EHD4: variants seen among roughly 807,000 people sequenced by gnomAD.
The protein encoded by EHD4 is EH domain containing 4.
In EHD4, 37 loss-of-function variants were observed where a neutral mutation model predicts 51.0. That is an observed-to-expected ratio of 0.73 (90% CI 0.56 to 0.95). EHD4 has a LOEUF of 0.95. EHD4 is among the 40% of genes least tolerant of loss of function. The pLI is 0.00. For synonymous variants in EHD4, 297 were observed against 317.3 expected, an observed-to-expected ratio of 0.94 and a Z score of 0.68; for missense variants, 632 against 733.1, an observed-to-expected ratio of 0.86 and a Z score of 1.59.
At chr15:41,914,098 GC>G (rs2067567645) in intron 4 of EHD4, among the ~76,000 whole-genome samples, 1 of 152,042 alleles carries the variant, frequency 6.6e-6, no homozygotes, top group Admixed American at 6.6e-5. Context: ...AGTGATACTG[GC>G]CACATCTACT....
intron 3 of EHD4, among the ~76,000 whole-genome samples, chr15:41,940,355 T>TGAAGCTGGTCTTAC (rs1442663770): frequency 6.6e-6 from 1 of 152,240 alleles, no homozygotes; most frequent in Non-Finnish European, 1.5e-5. Flanking sequence ...TGTGGTCTTA[T>TGAAGCTGGTCTTAC]GAAGCTGGTC....
At chr15:41,965,471 C>T (rs1283078524) in intron 1 of EHD4, among the ~76,000 whole-genome samples, 1 of 152,182 alleles carries the variant, frequency 6.6e-6, no homozygotes, top group Admixed American at 6.5e-5. Context: ...TTGAGGCTAG[C>T]CCTCTTCCAT....
At chr15:41,936,982 T>C (rs1466314297) in intron 3 of EHD4, among the ~76,000 whole-genome samples, 1 of 152,144 alleles carries the variant, frequency 6.6e-6, no homozygotes, top group Non-Finnish European at 1.5e-5. Flanking sequence ...TGCCAACAAA[T>C]CATCAGGGCT....
chr15:41,938,500 C>T (rs1037267361), intron 3 of EHD4, among the ~76,000 whole-genome samples: 1 of 152,140 alleles, frequency 6.6e-6, no homozygotes, highest in Non-Finnish European at 1.5e-5. Context: ...TTTTATTTTT[C>T]ATTGTCTTCC....
intron 5 of EHD4, among the ~76,000 whole-genome samples, chr15:41,901,418 A>C (rs2067477378): frequency 6.6e-6 from 1 of 152,220 alleles, no homozygotes; most frequent in Non-Finnish European, 1.5e-5. Flanking sequence ...CGCATGAGCG[A>C]CAGCAACCTC....
chr15:41,949,626 A>G (rs2141002847), intron 2 of EHD4, among the ~76,000 whole-genome samples: 1 of 152,266 alleles, frequency 6.6e-6, no homozygotes. Context: ...CAAAATTTCA[A>G]TTCCCAGGGC....
At position 41,931,420 on chromosome 15, in the gene EHD4, G is replaced by C. The variant is rs2067697418; in HGVS notation, c.511+11647C>G. On this transcript the variant is annotated intron_variant, in intron 3 of 5. Transcript: ENST00000220325. The stretch of plus-strand genomic sequence containing the variant: ...CCCAGCTACTCAGGAGGCTGAGGTG[G>C]CAGGATCACTTGAACCCAGGAGGTC... Among the ~76,000 whole-genome samples the C allele has an allele frequency of 2.6e-5, 4 of 152,282 alleles. No homozygotes were observed. The South Asian group carries it at 8.3e-4, about 32-fold the overall frequency.
At chr15:41,951,947 A>G (rs2067855080) in intron 2 of EHD4, among the ~76,000 whole-genome samples, 1 of 152,252 alleles carries the variant, frequency 6.6e-6, no homozygotes, top group African/African-American at 2.4e-5. Context: ...ACCATCAGTA[A>G]TAAGATGGAA....
intron 1 of EHD4, among the ~76,000 whole-genome samples, chr15:41,961,724 T>C (rs1384028474): frequency 6.6e-6 from 1 of 152,248 alleles, no homozygotes; most frequent in Non-Finnish European, 1.5e-5. Context: ...AATTAATTTA[T>C]AGATAAGAAG....
intron 2 of EHD4, among the ~76,000 whole-genome samples, chr15:41,950,956 G>A (rs1052663389): frequency 6.6e-6 from 1 of 152,140 alleles, no homozygotes; most frequent in Non-Finnish European, 1.5e-5. Flanking sequence ...CATAATCACC[G>A]TCATCTTCAT....
intron 4 of EHD4, among the ~76,000 whole-genome samples, chr15:41,915,492 C>T (rs184175317): frequency 6.6e-6 from 1 of 152,318 alleles, no homozygotes; most frequent in Admixed American, 6.5e-5. Context: ...ACTGACCTCT[C>T]CTCTTCTTTC....
At chr15:41,951,822 C>T (rs2067854339) in intron 2 of EHD4, among the ~76,000 whole-genome samples, 1 of 152,218 alleles carries the variant, frequency 6.6e-6, no homozygotes. Context: ...ACCCCCTCTC[C>T]CACAATGAGA....
At chr15:41,927,975 G>A (rs72625199) in intron 3 of EHD4, among the ~76,000 whole-genome samples, 9,940 of 152,218 alleles carry the variant, frequency 0.065, 397 homozygotes, top group South Asian at 0.12. Flanking sequence ...TCTAAAAAAG[G>A]GTTGTTACTA....
intron 3 of EHD4, among the ~76,000 whole-genome samples, chr15:41,931,799 C>A (rs898168737): frequency 4.0e-5 from 6 of 151,772 alleles, no homozygotes; most frequent in African/African-American, 1.2e-4. Context: ...GCCTCAGCCT[C>A]CTGAGTAGCT....
At chr15:41,950,485 T>C (rs2067845859) in intron 2 of EHD4, among the ~76,000 whole-genome samples, 1 of 152,230 alleles carries the variant, frequency 6.6e-6, no homozygotes, top group Non-Finnish European at 1.5e-5. Flanking sequence ...GTATGCTATG[T>C]GAAAAGAGGT....
chr15:41,935,568 C>T (rs1329893197), intron 3 of EHD4, among the ~76,000 whole-genome samples: 1 of 152,170 alleles, frequency 6.6e-6, no homozygotes, highest in African/African-American at 2.4e-5. Flanking sequence ...TGGGGGAAAG[C>T]ATCAATTACA....
chr15:41,919,643 G>A (rs761078516), intron 3 of EHD4, 21 bp from the exon 4 acceptor site: 14 of 1,505,054 alleles, frequency 9.3e-6, no homozygotes, highest in Middle Eastern at 1.8e-4. Context: ...AGAAGGACAC[G>A]TCAGTGTAGC....
intron 3 of EHD4, among the ~76,000 whole-genome samples, chr15:41,934,310 T>G (rs1330006509): frequency 3.2e-5 from 1 of 31,636 alleles, no homozygotes; most frequent in Non-Finnish European, 9.7e-5. Flanking sequence ...TGCCAGGAAG[T>G]TTTTTTTTTT....
rs538197690 is a variant in EHD4, at chr15:41,972,545, C to A, written c.-51G>T. 1 of 1,427,888 alleles carries A rather than the reference C, an allele frequency of 7.0e-7. No homozygotes were observed. Among genetic ancestry groups the A allele is most frequent in the Admixed American group, 2.8e-5 (1 of 35,266 alleles). 88.5% of individuals were successfully genotyped at this position (1,427,888 alleles called of 1,614,324 possible). A position where few individuals can be genotyped will look rare whatever the true frequency, so the allele number is the denominator to read the frequency against. ...GGACCCTGCTCCGGGTTCGACTCTC[C>A]CCGGCTCGCACTGAGCCGCCCCGGC... On this transcript the variant is annotated 5_prime_UTR_variant, in exon 1 of 6. Transcript: ENST00000220325.
Sources: gnomAD v4.1 joint callset for allele counts (sites outside exome capture counted in the v4.1 genomes callset) on GRCh38, gnomAD v4.1.1 for gene constraint, MANE v1.5 for transcripts, NCBI Gene and HGNC (gene_info 2026-07-23, HGNC 2026-07-21) for gene names.